C6orf120: variants seen among roughly 807,000 people sequenced by gnomAD.
C6orf120 encodes the protein UPF0669 protein C6orf120.
For missense variants in C6orf120, 311 were observed against 264.2 expected, an observed-to-expected ratio of 1.18 and a Z score of -1.23; for synonymous variants, 165 against 123.1, an observed-to-expected ratio of 1.34 and a Z score of -2.25.
chr6:169,702,936 G>A (rs1788480099), exon 1 of C6orf120: 6 of 1,612,022 alleles, frequency 3.7e-6, no homozygotes, highest in Non-Finnish European at 5.1e-6. Context: ...CCGGCCAGAA[G>A]CACGCTGGTG....
chr6:169,705,231 A>G, downstream of C6orf120: 3 of 1,613,376 alleles, frequency 1.9e-6, no homozygotes, highest in Non-Finnish European at 2.5e-6. Context: ...TTGTCCACAT[A>G]TAATGCATGT....
downstream of C6orf120, chr6:169,705,454 C>T: frequency 1.4e-6 from 1 of 729,482 alleles, no homozygotes; most frequent in Non-Finnish European, 2.3e-6. Flanking sequence ...AATGAATATA[C>T]AATGTAGAGG....
exon 1 of C6orf120, chr6:169,702,357 TG>T: frequency 1.4e-6 from 1 of 715,198 alleles, no homozygotes; most frequent in Non-Finnish European, 2.3e-6. Flanking sequence ...GGACGCGCCG[TG>T]GACCCGCGTG....
chr6:169,702,754 T>G (rs764493350), exon 1 of C6orf120: 1 of 1,613,340 alleles, frequency 6.2e-7, no homozygotes, highest in Non-Finnish European at 8.5e-7. Flanking sequence ...ATCGGCCACC[T>G]GCGGCCCGGA....
At chr6:169,704,450 C>T in exon 1 of C6orf120, 1 of 217,290 alleles carries the variant, frequency 4.6e-6, no homozygotes, top group South Asian at 1.6e-4. Context: ...TCACTGGCAG[C>T]TGTGTGTCTT....
chr6:169,705,344 G>A (rs754305870), downstream of C6orf120: 7 of 1,530,408 alleles, frequency 4.6e-6, no homozygotes, highest in South Asian at 1.2e-5. Context: ...CAGTATTAGT[G>A]GTATCTCACA....
downstream of C6orf120, chr6:169,705,024 A>AT (rs2128328404): frequency 1.4e-6 from 1 of 734,346 alleles, no homozygotes; most frequent in Non-Finnish European, 2.2e-6. Flanking sequence ...ATATTTGCAC[A>AT]TAAGAGTCCA....
At chr6:169,702,405 C>T (rs1454323266) in exon 1 of C6orf120, 2 of 1,113,458 alleles carry the variant, frequency 1.8e-6, no homozygotes, top group South Asian at 1.5e-5. Flanking sequence ...TGAGCGCCTC[C>T]GGTGTCCCCA....
chr6:169,704,218 CTA>C, exon 1 of C6orf120: 8 of 598,994 alleles, frequency 1.3e-5, no homozygotes, highest in Non-Finnish European at 2.0e-5. Context: ...GAGAAGGGCA[CTA>C]TGAGTTCCTT....
chr6:169,703,051 C>G (rs1028938697), exon 1 of C6orf120: 2 of 1,541,350 alleles, frequency 1.3e-6, no homozygotes, highest in African/African-American at 1.4e-5. Flanking sequence ...TGACCACACT[C>G]TGGGATATAA....
chr6:169,703,789 T>C (rs1257540193), exon 1 of C6orf120: 2 of 517,988 alleles, frequency 3.9e-6, no homozygotes, highest in Non-Finnish European at 6.8e-6. Flanking sequence ...CACTGAATTT[T>C]TGGAGTGAGC....
chr6:169,703,979 A>G, exon 1 of C6orf120: 1 of 1,513,180 alleles, frequency 6.6e-7, no homozygotes, highest in Non-Finnish European at 9.0e-7. Context: ...AAATGCATAT[A>G]CAGTATTAGA....
At chr6:169,706,238 TA>T (rs1396363839), downstream of C6orf120, among the ~76,000 whole-genome samples, 1 of 152,202 alleles carries the variant, frequency 6.6e-6, no homozygotes, top group Non-Finnish European at 1.5e-5. Flanking sequence ...AAAATCAGTT[TA>T]AACATTTTTA....
exon 1 of C6orf120, chr6:169,702,725 T>C: frequency 6.2e-7 from 1 of 1,613,538 alleles, no homozygotes; most frequent in Non-Finnish European, 8.5e-7. Context: ...CACCCCAGCT[T>C]CGACGACTAC....
At chr6:169,704,062 G>T in exon 1 of C6orf120, 1 of 1,580,426 alleles carries the variant, frequency 6.3e-7, no homozygotes. Context: ...GGGGGGGCCC[G>T]CTGACAACAG....
chr6:169,706,314 GATT>G (rs1381699535), downstream of C6orf120, among the ~76,000 whole-genome samples: 1 of 146,170 alleles, frequency 6.8e-6, no homozygotes, highest in Non-Finnish European at 1.5e-5. Flanking sequence ...TTAGTTGTGT[GATT>G]ATTCTCTTTG....
downstream of C6orf120, chr6:169,705,421 A>G (rs1218265773): frequency 3.6e-6 from 3 of 827,834 alleles, no homozygotes; most frequent in South Asian, 1.8e-5. Flanking sequence ...GAGAATGGCT[A>G]TAATGTCAAA....
At chr6:169,705,403 G>T, downstream of C6orf120, 1 of 950,702 alleles carries the variant, frequency 1.1e-6, no homozygotes, top group Non-Finnish European at 1.6e-6. Flanking sequence ...TTTGCTTTAG[G>T]ACTTCCAGAG....
downstream of C6orf120, chr6:169,705,642 AT>A: frequency 6.5e-7 from 1 of 1,528,066 alleles, no homozygotes; most frequent in Non-Finnish European, 9.1e-7. Flanking sequence ...GGAGCAGTGT[AT>A]AAGTGATTCA....
Sources: allele counts gnomAD v4.1 joint callset (sites outside exome capture counted in the v4.1 genomes callset), GRCh38; gene constraint gnomAD v4.1.1; transcripts MANE v1.5; gene names NCBI Gene and HGNC (gene_info 2026-07-23, HGNC 2026-07-21).